PIK3CB: variants seen among roughly 807,000 people sequenced by gnomAD.
The protein encoded by PIK3CB is phosphatidylinositol-4,5-bisphosphate 3-kinase catalytic subunit beta, also known as phosphatidylinositol 4,5-bisphosphate 3-kinase catalytic subunit beta isoform.
A neutral mutation model predicts 136.8 loss-of-function variants in PIK3CB; 39 were observed. The observed-to-expected ratio is 0.29, with a 90% confidence interval of 0.22 to 0.37. The LOEUF (loss-of-function observed/expected upper bound fraction) is 0.37, where lower values mean the gene tolerates loss of function less well. Among genes scored for constraint, PIK3CB ranks in the 10% least tolerant of loss-of-function variants. PIK3CB has a pLI of 1.00. For synonymous variants in PIK3CB, 428 were observed against 436.6 expected (o/e 0.98, Z 0.25); for missense variants, 868 against 1,275.4 (o/e 0.68, Z 4.87).
At chr3:138,714,440 C>G (rs2044567157) in intron 9 of PIK3CB, 28 bp downstream of exon 9, 5 of 1,495,472 alleles carry the variant, frequency 3.3e-6, no homozygotes, top group South Asian at 1.2e-5. Flanking sequence ...TTATATAAAA[C>G]AATCCTCAGA....
At position 138,657,750 on chromosome 3, in the gene PIK3CB, G is replaced by A. The variant is rs2108391832; in HGVS notation, c.2882C>T (p.Thr961Ile). ...IKRERVPFIL[T>I]YDFIHVIQQG... Reference sequence around the variant, plus strand: ...TTGAATGACATGGATGAAATCATAGGTAAGAATAAAAGGCACTCGCTCCCT... The same window carrying A: ...TTGAATGACATGGATGAAATCATAGATAAGAATAAAAGGCACTCGCTCCCT... Residue 961 changes from threonine to isoleucine, a missense_variant, in exon 22 of 24, where the codon ACC becomes ATC. Coordinates refer to ENST00000674063, the MANE Select transcript of PIK3CB (RefSeq NM_006219.3). 6.2e-7 allele frequency: 1 copy of A among 1,613,046 alleles called. No individual in the cohort carries two copies. The highest frequency in any genetic ancestry group is 8.5e-7 in the Non-Finnish European group (1 of 1,179,308).
chr3:138,775,866 G>A (rs1376327853), intron 2 of PIK3CB, among the ~76,000 whole-genome samples: 5 of 149,612 alleles, frequency 3.3e-5, no homozygotes, highest in Admixed American at 6.7e-5. Flanking sequence ...ATTATATTTC[G>A]TTTCAAAACC....
At chr3:138,728,522 A>G (rs2044892191) in intron 8 of PIK3CB, among the ~76,000 whole-genome samples, 2 of 152,198 alleles carry the variant, frequency 1.3e-5, no homozygotes, top group African/African-American at 4.8e-5. Context: ...TCACGCCTGT[A>G]ATCACAGCAC....
chr3:138,824,520 C>T (rs149218393), intron 1 of PIK3CB, among the ~76,000 whole-genome samples: 5 of 151,908 alleles, frequency 3.3e-5, no homozygotes, highest in Non-Finnish European at 5.9e-5. Flanking sequence ...TATGGCCGGG[C>T]GCGGTGGCTC....
At chr3:138,707,861 T>C (rs1389027417) in intron 10 of PIK3CB, among the ~76,000 whole-genome samples, 1 of 152,208 alleles carries the variant, frequency 6.6e-6, no homozygotes, top group Non-Finnish European at 1.5e-5. Context: ...TACTCCTTCC[T>C]TTTCCTTTTC....
In PIK3CB at chr3:138,655,466, C is replaced by G. The variant is rs2108381883; in HGVS notation, c.3136G>C (p.Asp1046His). The change falls in exon 24 of 24, where the codon GAT becomes CAT. Residue 1046 changes from aspartate to histidine, a missense_variant. This residue lies in a region of PIK3CB where 88 missense variants were observed against 147.8 expected (regional missense o/e 0.60). Transcript: ENST00000674063. ...GTCCAGCTTTCCCTGAGCGCCTCAT[C>G]AAATTTTTGCTTAAACTGTTTGAGT... ...EALKQFKQKFDEALRESWTTK... is the reference protein window; with the variant it reads ...EALKQFKQKFHEALRESWTTK... The G allele has an allele frequency of 6.2e-7, 1 of 1,613,658 alleles. No homozygotes were observed. Among genetic ancestry groups the G allele is most frequent in the Non-Finnish European group, 8.5e-7 (1 of 1,179,536 alleles).
chr3:138,666,176 C>T (rs1559799572), intron 19 of PIK3CB, among the ~76,000 whole-genome samples: 1 of 151,852 alleles, frequency 6.6e-6, no homozygotes, highest in Non-Finnish European at 1.5e-5. Context: ...TCTCTTTTGG[C>T]CATTTTTTTT....
chr3:138,744,133 T>G (rs1362162581), intron 4 of PIK3CB, among the ~76,000 whole-genome samples: 1 of 151,940 alleles, frequency 6.6e-6, no homozygotes, highest in African/African-American at 2.4e-5. Context: ...GGCTCACGCC[T>G]GTAATCCCAG....
chr3:138,809,873 AG>A (rs763459811), intron 1 of PIK3CB, among the ~76,000 whole-genome samples: 5 of 152,198 alleles, frequency 3.3e-5, no homozygotes, highest in Non-Finnish European at 7.3e-5. Flanking sequence ...CATTATGTTC[AG>A]CTCTTAGTTT....
At chr3:138,739,536 T>C (rs1225328052) in intron 5 of PIK3CB, among the ~76,000 whole-genome samples, 1 of 150,702 alleles carries the variant, frequency 6.6e-6, no homozygotes, top group African/African-American at 2.4e-5. Context: ...AGAAGACAGG[T>C]ACGTATGGAC....
At chr3:138,677,694 C>A (rs1269659527) in intron 19 of PIK3CB, among the ~76,000 whole-genome samples, 2 of 152,128 alleles carry the variant, frequency 1.3e-5, no homozygotes, top group African/African-American at 4.8e-5. Context: ...GTCGGGAGTT[C>A]AAGACCAGCC....
At chr3:138,725,510 G>A (rs1576360416) in intron 8 of PIK3CB, among the ~76,000 whole-genome samples, 4 of 152,162 alleles carry the variant, frequency 2.6e-5, no homozygotes, top group African/African-American at 9.6e-5. Context: ...AGGTTCCTGG[G>A]GCTCTATCGA....
At chr3:138,774,484 A>T (rs2045835822) in intron 2 of PIK3CB, among the ~76,000 whole-genome samples, 1 of 152,220 alleles carries the variant, frequency 6.6e-6, no homozygotes, top group Non-Finnish European at 1.5e-5. Context: ...AATGAGTGGC[A>T]ATGGGTCCAA....
At chr3:138,813,883 G>A (rs1226479560) in intron 1 of PIK3CB, among the ~76,000 whole-genome samples, 1 of 152,130 alleles carries the variant, frequency 6.6e-6, no homozygotes, top group Non-Finnish European at 1.5e-5. Context: ...TAACAAAGGT[G>A]TAAGATACAC....
At chr3:138,674,879 A>C (rs1322823809) in intron 19 of PIK3CB, among the ~76,000 whole-genome samples, 1 of 152,130 alleles carries the variant, frequency 6.6e-6, no homozygotes, top group Non-Finnish European at 1.5e-5. Flanking sequence ...AACGTGATGA[A>C]ACCCTGTCTC....
chr3:138,682,366 C>G (rs1026247930), intron 18 of PIK3CB, among the ~76,000 whole-genome samples: 3 of 152,200 alleles, frequency 2.0e-5, no homozygotes, highest in Non-Finnish European at 4.4e-5. Context: ...GGCCCTACTA[C>G]TCCCATAAGG....
At chr3:138,780,420 A>G (rs529846733) in intron 2 of PIK3CB, among the ~76,000 whole-genome samples, 1 of 151,774 alleles carries the variant, frequency 6.6e-6, no homozygotes, top group African/African-American at 2.4e-5. Context: ...ACAGGTGTGT[A>G]CCACCATGCC....
chr3:138,744,324 G>A (rs558998903), intron 4 of PIK3CB, among the ~76,000 whole-genome samples: 1 of 147,334 alleles, frequency 6.8e-6, no homozygotes, highest in Non-Finnish European at 1.5e-5. Context: ...GAACCCGGGA[G>A]GCGGAGCTGG....
chr3:138,663,178 T>C (rs1014401175), intron 21 of PIK3CB, among the ~76,000 whole-genome samples: 3 of 152,038 alleles, frequency 2.0e-5, no homozygotes, highest in Admixed American at 6.6e-5. Flanking sequence ...ATGGCTAATG[T>C]CCAGAATCTA....
Sources: gnomAD v4.1 joint callset for allele counts (sites outside exome capture counted in the v4.1 genomes callset) on GRCh38, gnomAD v4.1.1 for gene constraint, gnomAD v4.1.1 regional missense constraint, MANE v1.5 for transcripts, NCBI Gene and HGNC (gene_info 2026-07-23, HGNC 2026-07-21) for gene names.